Variants in CLIP4 observed in about 807,000 individuals in gnomAD.
CLIP4 encodes the protein CAP-Gly domain containing linker protein family member 4.
A neutral mutation model predicts 73.1 loss-of-function variants in CLIP4; 47 were observed. That is an observed-to-expected ratio of 0.64 (90% CI 0.51 to 0.82). The LOEUF is 0.82. Among genes scored for constraint, CLIP4 ranks in the 40% least tolerant of loss-of-function variants. CLIP4 has a pLI of 0.00. For missense variants in CLIP4, 874 were observed against 852.9 expected, an observed-to-expected ratio of 1.02 and a Z score of -0.31; for synonymous variants, 306 against 295.4, an observed-to-expected ratio of 1.04 and a Z score of -0.37.
intron 10 of CLIP4, 113 bp from the exon 11 acceptor site, chr2:29,157,091 A>C: frequency 1.2e-6 from 1 of 859,094 alleles, no homozygotes; most frequent in Non-Finnish European, 1.9e-6. Context: ...GACACTAGAT[A>C]ATCCATAATT....
At chr2:29,139,385 G>A (rs1665602358) in intron 6 of CLIP4, among the ~76,000 whole-genome samples, 2 of 152,106 alleles carry the variant, frequency 1.3e-5, no homozygotes. Flanking sequence ...AATTTGGTTT[G>A]CTAGTAACTT....
chr2:29,120,356 CTG>C (rs1024881452), intron 1 of CLIP4, among the ~76,000 whole-genome samples: 1 of 152,088 alleles, frequency 6.6e-6, no homozygotes, highest in Non-Finnish European at 1.5e-5. Flanking sequence ...AATGAAATGA[CTG>C]TTTTATTGTA....
At chr2:29,158,220 A>G (rs1415952461) in intron 11 of CLIP4, among the ~76,000 whole-genome samples, 1 of 152,122 alleles carries the variant, frequency 6.6e-6, no homozygotes, top group East Asian at 1.9e-4. Flanking sequence ...GTTTTTCTTT[A>G]TGTTGTGAGG....
chr2:29,110,220 G>C (rs532261438), intron 1 of CLIP4, among the ~76,000 whole-genome samples: 9 of 152,304 alleles, frequency 5.9e-5, no homozygotes, highest in African/African-American at 9.6e-5. Context: ...AATAAGTCTC[G>C]TGCGGCTCAA....
intron 12 of CLIP4, among the ~76,000 whole-genome samples, chr2:29,161,964 C>T (rs1245905104): frequency 6.6e-6 from 1 of 152,204 alleles, no homozygotes; most frequent in African/African-American, 2.4e-5. Context: ...TGCAAGCCAA[C>T]TGCGTGATTT....
Position 29,181,827 on chromosome 2 carries a change from A to G in CLIP4, c.2052A>G (p.Leu684=), listed in dbSNP as rs1261237609. Reference sequence around the variant, plus strand: ...CCTGTAAGCCGAACCATGGAGTCTTAGTTCGACCGAGCAGAGTGACCTATC... The same window carrying G: ...CCTGTAAGCCGAACCATGGAGTCTTGGTTCGACCGAGCAGAGTGACCTATC... ...YFTCKPNHGV[L]VRPSRVTYRG... Residue 684 remains leucine (L), a synonymous_variant, in exon 16 of 16, where the codon TTA becomes TTG. Transcript: ENST00000320081. 1.9e-6 allele frequency: 3 copies of G among 1,614,086 alleles called. No individual in the cohort carries two copies. The African/African-American group carries it at 4.0e-5, about 22-fold the overall frequency.
intron 2 of CLIP4, among the ~76,000 whole-genome samples, chr2:29,124,487 G>C (rs1664464367): frequency 6.6e-6 from 1 of 152,002 alleles, no homozygotes; most frequent in Admixed American, 6.6e-5. Flanking sequence ...GCTTGGATCT[G>C]AGTTTCAGTT....
At chr2:29,152,951 C>T (rs1666676969) in intron 9 of CLIP4, 123 bp downstream of exon 9, 2 of 1,063,568 alleles carry the variant, frequency 1.9e-6, no homozygotes, top group South Asian at 1.5e-5. Context: ...TTTAATAAAA[C>T]CTGCATCTTA....
chr2:29,156,457 T>TAACC lies in CLIP4; in HGVS notation c.1255+15_1255+18dup. ...CAGAGAAAGATGGTAATATACCTTG[T>TAACC]AACCTCTGTTTCTCAAAATTTAACT... is the stretch of plus-strand genomic sequence containing the variant. On this transcript the variant is annotated intron_variant, in intron 10 of 15. Transcript: ENST00000320081. The TAACC allele has an allele frequency of 6.6e-7, 1 of 1,509,898 alleles. No homozygotes were observed. The highest frequency in any genetic ancestry group is 8.9e-7 in the Non-Finnish European group (1 of 1,120,902). 93.5% of individuals were successfully genotyped at this position (1,509,898 alleles called of 1,614,324 possible).
At chr2:29,107,292 C>CTG (rs750350337) in intron 1 of CLIP4, among the ~76,000 whole-genome samples, 15 of 146,670 alleles carry the variant, frequency 1.0e-4, no homozygotes, top group African/African-American at 2.3e-4. Flanking sequence ...TCAGATTTTC[C>CTG]TGTGTGTGTG....
At chr2:29,175,820 G>C (rs1253744288) in intron 15 of CLIP4, among the ~76,000 whole-genome samples, 1 of 151,994 alleles carries the variant, frequency 6.6e-6, no homozygotes, top group Non-Finnish European at 1.5e-5. Flanking sequence ...GGAGTGCAGT[G>C]GCGTGATCTC....
At chr2:29,128,625 GT>G (rs1306597863) in intron 2 of CLIP4, among the ~76,000 whole-genome samples, 4 of 152,072 alleles carry the variant, frequency 2.6e-5, no homozygotes, top group Non-Finnish European at 5.9e-5. Flanking sequence ...CTCCAAGAAA[GT>G]TTAGTCGTTT....
intron 2 of CLIP4, among the ~76,000 whole-genome samples, chr2:29,129,231 C>G (rs887546560): frequency 6.6e-6 from 1 of 152,174 alleles, no homozygotes; most frequent in African/African-American, 2.4e-5. Flanking sequence ...AGTTGTACGT[C>G]TGCCTTATGT....
rs987616270 is a variant in CLIP4, at chr2:29,174,791, C to T, written c.1796+346C>T. The T allele has an allele frequency of 5.2e-5, 26 of 497,742 alleles. No individual in the cohort carries two copies. The East Asian group carries it at 2.6e-3, about 50-fold the overall frequency. 30.8% of individuals were successfully genotyped at this position (497,742 alleles called of 1,614,324 possible). On this transcript the variant is annotated intron_variant, in intron 15 of 15. Coordinates refer to ENST00000320081, the MANE Select transcript of CLIP4 (RefSeq NM_024692.6). ...AATGAGAGATTTGATTTAATATTGTCAGTGATACATGAAAGAAATGTAAGG... is the reference window on the plus strand; with the variant it reads ...AATGAGAGATTTGATTTAATATTGTTAGTGATACATGAAAGAAATGTAAGG...
At chr2:29,177,004 C>T (rs767738034) in intron 15 of CLIP4, among the ~76,000 whole-genome samples, 1 of 152,080 alleles carries the variant, frequency 6.6e-6, no homozygotes, top group South Asian at 2.1e-4. Context: ...GCCTAGCATT[C>T]GAAGACCTAC....
At chr2:29,161,509 CCA>C (rs1667290412) in intron 12 of CLIP4, among the ~76,000 whole-genome samples, 1 of 152,072 alleles carries the variant, frequency 6.6e-6, no homozygotes, top group African/African-American at 2.4e-5. Flanking sequence ...AATTCGCCTG[CCA>C]CAGTTTCATA....
chr2:29,179,186 T>G (rs1668513468), intron 15 of CLIP4, among the ~76,000 whole-genome samples: 7 of 152,238 alleles, frequency 4.6e-5, no homozygotes, highest in Admixed American at 3.9e-4. Flanking sequence ...TCTCAGCTAA[T>G]TTTTACAGCA....
chr2:29,123,603 A>G (rs539735065), intron 2 of CLIP4, among the ~76,000 whole-genome samples: 26 of 152,292 alleles, frequency 1.7e-4, no homozygotes, highest in Middle Eastern at 6.8e-3. Flanking sequence ...AAAACAGAAA[A>G]CTAAAGGCAC....
At chr2:29,111,676 A>G (rs901911709), upstream of CLIP4, among the ~76,000 whole-genome samples, 2 of 152,158 alleles carry the variant, frequency 1.3e-5, no homozygotes, top group Non-Finnish European at 2.9e-5. Flanking sequence ...TGCATTTCAG[A>G]TATTAATCCC....
Sources: allele counts gnomAD v4.1 joint callset (sites outside exome capture counted in the v4.1 genomes callset), GRCh38; gene constraint gnomAD v4.1.1; transcripts MANE v1.5; gene names NCBI Gene and HGNC (gene_info 2026-07-23, HGNC 2026-07-21).